Variants in SLC44A5 observed in about 807,000 individuals in gnomAD.
SLC44A5 encodes choline transporter-like protein 5.
Under a neutral mutation model 101.8 loss-of-function variants are expected in SLC44A5, and 57 were observed. The observed-to-expected ratio is 0.56, with a 90% confidence interval of 0.45 to 0.70. SLC44A5 has a LOEUF of 0.70. Among genes scored for constraint, SLC44A5 ranks in the 30% least tolerant of loss-of-function variants. The probability of loss-of-function intolerance (pLI) is 0.00; values close to 1 mark genes in which losing one functional copy is unlikely to be tolerated. For missense variants in SLC44A5, 737 were observed against 853.1 expected, an observed-to-expected ratio of 0.86 and a Z score of 1.70; for synonymous variants, 281 against 290.9, an observed-to-expected ratio of 0.97 and a Z score of 0.35.
intron 2 of SLC44A5, among the ~76,000 whole-genome samples, chr1:75,491,678 G>A (rs1221085293): frequency 6.6e-6 from 1 of 152,036 alleles, no homozygotes; most frequent in Admixed American, 6.6e-5. Flanking sequence ...GTGTCACAGA[G>A]TTTAATAAAC....
chr1:75,395,963 A>C (rs1384272130), intron 3 of SLC44A5, among the ~76,000 whole-genome samples: 2 of 152,194 alleles, frequency 1.3e-5, no homozygotes, highest in Non-Finnish European at 2.9e-5. Context: ...ACAAAGGAAG[A>C]GAAATTCTTG....
chr1:75,546,136 A>C (rs1208157109), intron 1 of SLC44A5, among the ~76,000 whole-genome samples: 3 of 151,950 alleles, frequency 2.0e-5, no homozygotes, highest in African/African-American at 7.3e-5. Flanking sequence ...CTTTTTTTGA[A>C]AGTTCTTCTC....
the SLC44A5 span, among the ~76,000 whole-genome samples, chr1:75,642,241 T>C: frequency 2.6e-4 from 39 of 152,312 alleles, no homozygotes; most frequent in South Asian, 6.2e-4. Context: ...GATATTATGA[T>C]GACTTTTGGC....
At chr1:75,532,553 C>T (rs1570544925) in intron 2 of SLC44A5, among the ~76,000 whole-genome samples, 1 of 152,186 alleles carries the variant, frequency 6.6e-6, no homozygotes, top group Non-Finnish European at 1.5e-5. Flanking sequence ...TCCTTGTCCC[C>T]TTCCCTGCTT....
chr1:75,336,112 C>G lies in SLC44A5; in HGVS notation c.101+3470G>C, dbSNP rs183804392. On this transcript the variant is annotated intron_variant, in intron 4 of 23. Coordinates refer to ENST00000370859, the MANE Select transcript of SLC44A5 (RefSeq NM_001130058.2). ...TTTCTTAGTATACCACTGGTTATAG[C>G]ACCTATTCCTTGGACAGCGTTCTGT... 3.2e-3 allele frequency among the ~76,000 whole-genome samples: 486 copies of G among 152,138 alleles called. 5 individuals are homozygous for G. Among genetic ancestry groups the G allele is most frequent in the Non-Finnish European group, 5.1e-3 (348 of 67,998 alleles).
chr1:75,237,125 A>T, intron 10 of SLC44A5, 55 bp from the exon 11 acceptor site: 4 of 1,075,618 alleles, frequency 3.7e-6, no homozygotes, highest in Non-Finnish European at 5.6e-6. Context: ...CTAAACAGAA[A>T]TGTTCTTTTT....
intron 2 of SLC44A5, among the ~76,000 whole-genome samples, chr1:75,403,660 A>C (rs1662652618): frequency 6.6e-6 from 1 of 152,174 alleles, no homozygotes. Flanking sequence ...TAACATCAAC[A>C]AAAAGGATGC....
intron 3 of SLC44A5, among the ~76,000 whole-genome samples, chr1:75,394,666 A>G (rs963154807): frequency 1.5e-4 from 23 of 152,160 alleles, no homozygotes; most frequent in African/African-American, 4.8e-4. Flanking sequence ...AATGTGTCCT[A>G]TGGGTTAACA....
chr1:75,564,676 G>A (rs1318119148), intron 1 of SLC44A5, among the ~76,000 whole-genome samples: 1 of 151,054 alleles, frequency 6.6e-6, no homozygotes, highest in Non-Finnish European at 1.5e-5. Flanking sequence ...CTGGAGTGCA[G>A]TGGCACCATA....
chr1:75,243,080 A>G (rs1648784811), intron 7 of SLC44A5, 69 bp from the exon 8 acceptor site: 2 of 1,481,744 alleles, frequency 1.3e-6, no homozygotes, highest in Admixed American at 4.9e-5. Flanking sequence ...ATAAAGCTAG[A>G]CTTCTAAATT....
chr1:75,609,615 G>T (rs1017426598), intron 1 of SLC44A5, among the ~76,000 whole-genome samples: 5 of 151,916 alleles, frequency 3.3e-5, no homozygotes, highest in Non-Finnish European at 7.4e-5. Flanking sequence ...AAATGAACTA[G>T]AGGAGCCAGG....
chr1:75,643,125 T>C, the SLC44A5 span, among the ~76,000 whole-genome samples: 1 of 152,166 alleles, frequency 6.6e-6, no homozygotes, highest in Admixed American at 6.6e-5. Context: ...TCAACCATCT[T>C]TGGAAAGATT....
chr1:75,421,557 A>G (rs1227007858), intron 2 of SLC44A5, among the ~76,000 whole-genome samples: 1 of 152,172 alleles, frequency 6.6e-6, no homozygotes. Flanking sequence ...CTGAATGCAT[A>G]GAGACACTGT....
the SLC44A5 span, among the ~76,000 whole-genome samples, chr1:75,621,449 C>T: frequency 6.6e-6 from 1 of 152,014 alleles, no homozygotes; most frequent in Non-Finnish European, 1.5e-5. Context: ...ACAAATTATA[C>T]TAAAGACAAA....
intron 18 of SLC44A5, 52 bp downstream of exon 18, chr1:75,217,814 C>T (rs1334849123): frequency 2.5e-6 from 3 of 1,208,698 alleles, no homozygotes; most frequent in Non-Finnish European, 3.7e-6. Flanking sequence ...TCTCCCCCAA[C>T]CCCCAACCCA....
At chr1:75,271,948 TC>T (rs1651514733) in intron 6 of SLC44A5, among the ~76,000 whole-genome samples, 1 of 152,196 alleles carries the variant, frequency 6.6e-6, no homozygotes, top group Non-Finnish European at 1.5e-5. Flanking sequence ...GTAAAAATGT[TC>T]CCTTTTCACC....
At chr1:75,286,620 G>A (rs138799343) in intron 5 of SLC44A5, among the ~76,000 whole-genome samples, 4 of 152,196 alleles carry the variant, frequency 2.6e-5, no homozygotes, top group East Asian at 3.9e-4. Flanking sequence ...TTGAGGATTC[G>A]TTTCAAGATT....
intron 2 of SLC44A5, among the ~76,000 whole-genome samples, chr1:75,449,121 A>G (rs544556901): frequency 2.1e-3 from 314 of 152,312 alleles, no homozygotes; most frequent in Non-Finnish European, 3.2e-3. Context: ...TGAGCCAGAC[A>G]TTGTCAAATC....
At chr1:75,325,759 C>T (rs1656538467) in intron 4 of SLC44A5, among the ~76,000 whole-genome samples, 1 of 150,102 alleles carries the variant, frequency 6.7e-6, no homozygotes, top group South Asian at 2.1e-4. Context: ...TGCATGCATG[C>T]GTGTGTGTGT....
Sources: gnomAD v4.1 joint callset for allele counts (sites outside exome capture counted in the v4.1 genomes callset) on GRCh38, gnomAD v4.1.1 for gene constraint, MANE v1.5 for transcripts, NCBI Gene and HGNC (gene_info 2026-07-23, HGNC 2026-07-21) for gene names.